Variants in PRDM5 observed in about 807,000 individuals in gnomAD.
PRDM5 encodes PR/SET domain 5.
PRDM5 carries 56 observed loss-of-function variants against 81.2 expected under a neutral mutation model. The ratio of observed to expected loss-of-function variants is 0.69; its 90% CI spans 0.56 to 0.86. The LOEUF (loss-of-function observed/expected upper bound fraction) is 0.86, where lower values mean the gene tolerates loss of function less well. Among genes scored for constraint, PRDM5 ranks in the 40% least tolerant of loss-of-function variants. The pLI is 0.00. For synonymous variants in PRDM5, 267 were observed against 256.4 expected (o/e 1.04, Z -0.39); for missense variants, 697 against 770.1 (o/e 0.91, Z 1.12).
chr4:120,853,305 A>T, intron 3 of PRDM5, 113 bp downstream of exon 3: 2 of 1,472,038 alleles, frequency 1.4e-6, no homozygotes, highest in Non-Finnish European at 1.9e-6. Flanking sequence ...TTTATGAGTT[A>T]CTGTTATTTG....
At chr4:120,879,756 G>T (rs375023472) in intron 2 of PRDM5, among the ~76,000 whole-genome samples, 109 of 152,104 alleles carry the variant, frequency 7.2e-4, no homozygotes, top group African/African-American at 2.5e-3. Context: ...ACAGCACAGG[G>T]TTCAGTGCCC....
At chr4:120,851,980 C>A (rs1181482512) in intron 3 of PRDM5, among the ~76,000 whole-genome samples, 3 of 152,128 alleles carry the variant, frequency 2.0e-5, no homozygotes. Context: ...AGTTTAGAAT[C>A]CAGGAAGATG....
intron 2 of PRDM5, among the ~76,000 whole-genome samples, chr4:120,878,623 A>G (rs1217062598): frequency 6.6e-6 from 1 of 152,206 alleles, no homozygotes; most frequent in African/African-American, 2.4e-5. Flanking sequence ...AAAGTGCACA[A>G]AAAGATGAGC....
At chr4:120,816,969 G>A in intron 5 of PRDM5, 45 bp from the exon 6 acceptor site, 2 of 1,435,320 alleles carry the variant, frequency 1.4e-6, no homozygotes, top group Non-Finnish European at 9.8e-7. Context: ...AACAAAAACT[G>A]GAACTCTAAG....
At chr4:120,811,266 T>A (rs746077273) in intron 8 of PRDM5, 104 bp downstream of exon 8, 51 of 671,138 alleles carry the variant, frequency 7.6e-5, no homozygotes, top group Non-Finnish European at 1.1e-4. Context: ...TTTCAGATTA[T>A]CTTTTCACAT....
At chr4:120,875,998 T>TA (rs1762299245) in intron 2 of PRDM5, among the ~76,000 whole-genome samples, 1 of 152,198 alleles carries the variant, frequency 6.6e-6, no homozygotes, top group East Asian at 1.9e-4. Context: ...ATTGATATAT[T>TA]AGGGAACAAT....
At chr4:120,765,137 T>C (rs1374035657) in intron 13 of PRDM5, among the ~76,000 whole-genome samples, 1 of 152,168 alleles carries the variant, frequency 6.6e-6, no homozygotes, top group Non-Finnish European at 1.5e-5. Context: ...AGAAAAACAG[T>C]GGCTAAAATC....
intron 15 of PRDM5, among the ~76,000 whole-genome samples, chr4:120,704,211 G>A (rs1254676882): frequency 2.6e-5 from 4 of 152,158 alleles, no homozygotes; most frequent in African/African-American, 4.8e-5. Context: ...TATCAGGAGA[G>A]AGTACCTGAT....
At chr4:120,786,999 G>T (rs1331299010) in intron 10 of PRDM5, among the ~76,000 whole-genome samples, 1 of 152,140 alleles carries the variant, frequency 6.6e-6, no homozygotes, top group Non-Finnish European at 1.5e-5. Flanking sequence ...CAATGTCCCT[G>T]CTATCACGAA....
chr4:120,778,282 T>C (rs1748475719), intron 12 of PRDM5, among the ~76,000 whole-genome samples: 1 of 152,134 alleles, frequency 6.6e-6, no homozygotes, highest in South Asian at 2.1e-4. Flanking sequence ...TTTGCCTTTG[T>C]TGTTAAGAAC....
chr4:120,785,787 G>T (rs976140207), intron 10 of PRDM5, among the ~76,000 whole-genome samples: 5 of 152,032 alleles, frequency 3.3e-5, no homozygotes, highest in African/African-American at 9.7e-5. Flanking sequence ...AACTTGGGAA[G>T]GTCAAACAGC....
rs1759524877 is a variant in PRDM5 at position 120,853,501 on chromosome 4, C to A, written c.217G>T (p.Ala73Ser). ...CAGTTGGAGTGCCGTGGGTTGGTAG[C>A]ATCCAAAATGTACAAAACTTCTCCC... ...SKGEVLYILDATNPRHSNWLR... is the reference protein window; with the variant it reads ...SKGEVLYILDSTNPRHSNWLR... Residue 73 changes from alanine (A) to serine (S), a missense_variant, in exon 3 of 16, where the codon GCT (alanine) becomes TCT (serine). Ala to Ser is a moderately conservative substitution (Grantham distance 99, BLOSUM62 1). Transcript: ENST00000264808. 13 of 1,613,750 alleles carry A rather than the reference C, an allele frequency of 8.1e-6. No individual in the cohort carries two copies. The highest frequency in any genetic ancestry group is 1.3e-5 in the African/African-American group (1 of 74,994).
At chr4:120,773,130 T>C (rs1022936769) in intron 13 of PRDM5, among the ~76,000 whole-genome samples, 24 of 152,322 alleles carry the variant, frequency 1.6e-4, no homozygotes, top group Admixed American at 1.4e-3. Context: ...GAAAAGCACT[T>C]GTGTGATTGA....
chr4:120,847,672 T>C (rs1758811448), intron 3 of PRDM5, among the ~76,000 whole-genome samples: 1 of 152,186 alleles, frequency 6.6e-6, no homozygotes, highest in Admixed American at 6.5e-5. Flanking sequence ...TTGGGGTAAA[T>C]TTGTTACATA....
Position 120,707,681 on chromosome 4 carries a change from G to A in PRDM5, c.1728+2628C>T, listed in dbSNP as rs559597224. Among the ~76,000 whole-genome samples, 277 of 151,556 alleles carry A rather than the reference G, an allele frequency of 1.8e-3. 1 individual carries two copies. Among genetic ancestry groups the A allele is most frequent in the Middle Eastern group, 6.8e-3 (2 of 292 alleles). On this transcript the variant is annotated intron_variant, in intron 15 of 15. Transcript: ENST00000264808. ...TCAAATAGAGAAAAAAATGCATAAA[G>A]GGCACTTCATCAACATTAAAAGGCC... is the stretch of plus-strand genomic sequence containing the variant.
At chr4:120,871,042 C>T (rs887366855) in intron 2 of PRDM5, among the ~76,000 whole-genome samples, 11 of 152,158 alleles carry the variant, frequency 7.2e-5, no homozygotes, top group Admixed American at 5.2e-4. Context: ...CGCCATCATC[C>T]AGCCTATCCT....
At chr4:120,871,025 A>C (rs915361018) in intron 2 of PRDM5, among the ~76,000 whole-genome samples, 21 of 152,058 alleles carry the variant, frequency 1.4e-4, no homozygotes, top group Admixed American at 4.6e-4. Flanking sequence ...CTTTACAGCC[A>C]TGCTCCCGCC....
intron 15 of PRDM5, among the ~76,000 whole-genome samples, chr4:120,706,730 T>TTA (rs1274900138): frequency 1.8e-4 from 26 of 142,046 alleles, no homozygotes; most frequent in African/African-American, 5.6e-4. Flanking sequence ...TATATATAAA[T>TTA]TATATATATA....
chr4:120,686,519 A>G (rs527537546), intron 1 of PRDM5, among the ~76,000 whole-genome samples: 35 of 152,204 alleles, frequency 2.3e-4, no homozygotes, highest in African/African-American at 6.5e-4. Context: ...TTTCAATTAC[A>G]TATGTGTATT....
Sources: allele counts gnomAD v4.1 joint callset (sites outside exome capture counted in the v4.1 genomes callset), GRCh38; gene constraint gnomAD v4.1.1; transcripts MANE v1.5; gene names NCBI Gene and HGNC (gene_info 2026-07-23, HGNC 2026-07-21).